Variants in CELF2 observed in about 807,000 individuals in gnomAD.
CELF2 encodes CUG triplet repeat RNA-binding protein 2.
CELF2 carries 8 observed loss-of-function variants against 62.6 expected under a neutral mutation model. That is an observed-to-expected ratio of 0.13 (90% CI 0.07 to 0.23). CELF2 has a LOEUF of 0.23. Ranked by LOEUF, CELF2 falls within the 10% of genes least tolerant of loss-of-function variation. The probability of loss-of-function intolerance (pLI) is 1.00; values close to 1 mark genes in which losing one functional copy is unlikely to be tolerated. For missense variants in CELF2, 333 were observed against 671.0 expected (o/e 0.50, Z 5.56); for synonymous variants, 258 against 250.0 (o/e 1.03, Z -0.30).
At chr10:11,048,712 T>C (rs934713422) in intron 1 of CELF2, among the ~76,000 whole-genome samples, 1 of 152,246 alleles carries the variant, frequency 6.6e-6, no homozygotes, top group African/African-American at 2.4e-5. Flanking sequence ...TCCAAACTTA[T>C]AAACTGGATA....
rs79341133 is a variant in CELF2, at chr10:10,808,542, G to T, written c.53+9725G>T. Among the ~76,000 whole-genome samples the T allele has an allele frequency of 5.4e-3, 825 of 152,222 alleles. 8 individuals are homozygous for T. The highest frequency in any genetic ancestry group is 0.019 in the African/African-American group (786 of 41,530). On this transcript the variant is annotated intron_variant, in intron 1 of 13. Transcript: ENST00000636488. ...GCAAAGCTGTCAAATATGTCAAAAG[G>T]TTCGATTACTTGACAAAATAGGATC...
At chr10:10,467,674 T>G in the CELF2 span, among the ~76,000 whole-genome samples, 1 of 152,070 alleles carries the variant, frequency 6.6e-6, no homozygotes, top group African/African-American at 2.4e-5. Flanking sequence ...ATTGACATGT[T>G]AACTCTATTG....
the CELF2 span, among the ~76,000 whole-genome samples, chr10:10,593,260 GT>G: frequency 6.6e-6 from 1 of 152,326 alleles, no homozygotes; most frequent in Admixed American, 6.5e-5. Context: ...GATCCTATGA[GT>G]GATTTGGGGT....
chr10:10,595,098 G>T, the CELF2 span, among the ~76,000 whole-genome samples: 1 of 152,166 alleles, frequency 6.6e-6, no homozygotes, highest in South Asian at 2.1e-4. Context: ...TAGTGTACAG[G>T]GCAAAGGATC....
intron 1 of CELF2, among the ~76,000 whole-genome samples, chr10:11,115,486 A>G (rs940460191): frequency 6.6e-6 from 1 of 152,186 alleles, no homozygotes; most frequent in East Asian, 1.9e-4. Context: ...ATAGGGATCC[A>G]TTATCCATAT....
the CELF2 span, among the ~76,000 whole-genome samples, chr10:10,736,463 T>C: frequency 6.6e-6 from 1 of 150,700 alleles, no homozygotes; most frequent in Admixed American, 6.7e-5. Context: ...ATCACATATG[T>C]CAAATAGGCA....
rs527624188 is a variant in CELF2, at chr10:10,824,821, C to G, written c.53+26004C>G. ...CAATGAATTGTTAAGTTGAAGCTTT[C>G]AATTCTCATGGAACGTTAACTCTCC... On this transcript the variant is annotated intron_variant, in intron 1 of 13. Transcript: ENST00000636488. Among the ~76,000 whole-genome samples the G allele has an allele frequency of 2.0e-5, 3 of 152,286 alleles. No homozygotes were observed. In the South Asian group the frequency reaches 6.2e-4, roughly 32 times the overall value.
At chr10:10,523,283 T>C in the CELF2 span, among the ~76,000 whole-genome samples, 1 of 152,268 alleles carries the variant, frequency 6.6e-6, no homozygotes, top group African/African-American at 2.4e-5. Flanking sequence ...AGCAACACTC[T>C]AGGCTTGACT....
Position 11,053,707 on chromosome 10 carries a change from C to T in CELF2, c.74+35544C>T, listed in dbSNP as rs573347883. 9.1e-4 allele frequency among the ~76,000 whole-genome samples: 138 copies of T among 151,028 alleles called. 1 individual carries two copies. Among genetic ancestry groups the T allele is most frequent in the African/African-American group, 3.1e-3 (128 of 41,030 alleles). On this transcript the variant is annotated intron_variant, in intron 1 of 12. Transcript: ENST00000633077. ...TCCACTCACTGCAAGCTCCGCCTTC[C>T]GGGTTCACACCATTCTCCTGCCTCA...
intron 1 of CELF2, among the ~76,000 whole-genome samples, chr10:11,048,603 C>T (rs1015415415): frequency 6.6e-6 from 1 of 152,178 alleles, no homozygotes; most frequent in African/African-American, 2.4e-5. Context: ...TTGACAACAC[C>T]ATTACGCTGG....
intron 1 of CELF2, among the ~76,000 whole-genome samples, chr10:11,066,626 A>G (rs1245105284): frequency 6.6e-6 from 1 of 152,228 alleles, no homozygotes; most frequent in Non-Finnish European, 1.5e-5. Flanking sequence ...AACCGTTCAC[A>G]TATGTAGTTG....
chr10:10,889,436 T>A (rs2224694), intron 1 of CELF2, among the ~76,000 whole-genome samples: 49,830 of 152,024 alleles, frequency 0.33, 9,337 homozygotes, highest in East Asian at 0.67. Context: ...TTAAAAGAAA[T>A]TTTTTTGCTG....
intron 1 of CELF2, among the ~76,000 whole-genome samples, chr10:10,856,881 A>T (rs1424317075): frequency 6.6e-6 from 1 of 152,174 alleles, no homozygotes; most frequent in African/African-American, 2.4e-5. Flanking sequence ...AGAAATTAGT[A>T]CCAGACTTGC....
At chr10:11,076,710 A>G (rs935617139) in intron 1 of CELF2, among the ~76,000 whole-genome samples, 1 of 152,146 alleles carries the variant, frequency 6.6e-6, no homozygotes, top group African/African-American at 2.4e-5. Flanking sequence ...ATTAGGGAAA[A>G]GTTTATAGTC....
At chr10:10,783,810 C>T in the CELF2 span, among the ~76,000 whole-genome samples, 10 of 152,186 alleles carry the variant, frequency 6.6e-5, no homozygotes, top group African/African-American at 2.2e-4. Flanking sequence ...ATGGTGAAAC[C>T]TTGTCTCTAC....
In CELF2 at chr10:11,332,912, T is replaced by C. The variant is rs533393076; in HGVS notation, c.*3859T>C. ...GCAATCAGCTTAATAACAACACTTATTGCACCTGTCTCTCTCTGAGAACAC... is the reference window on the plus strand; with the variant it reads ...GCAATCAGCTTAATAACAACACTTACTGCACCTGTCTCTCTCTGAGAACAC... On this transcript the variant is annotated 3_prime_UTR_variant, in exon 13 of 13. Transcript: ENST00000633077. The C allele has an allele frequency of 1.8e-4, 27 of 152,586 alleles. No individual in the cohort carries two copies. The highest frequency in any genetic ancestry group is 3.1e-4 in the Non-Finnish European group (21 of 68,032). 9.5% of individuals were successfully genotyped at this position (152,586 alleles called of 1,614,324 possible).
chr10:10,902,985 A>G (rs2063054774), intron 1 of CELF2, among the ~76,000 whole-genome samples: 1 of 151,686 alleles, frequency 6.6e-6, no homozygotes, highest in Non-Finnish European at 1.5e-5. Flanking sequence ...AGGGAGGAAG[A>G]AAGGAGAGGA....
At chr10:10,880,383 G>A (rs9423837) in intron 1 of CELF2, among the ~76,000 whole-genome samples, 78,421 of 151,928 alleles carry the variant, frequency 0.52, 21,222 homozygotes, top group Middle Eastern at 0.61. Context: ...TTGGAGGCCT[G>A]AATATTCTGA....
chr10:10,678,135 T>C, the CELF2 span, among the ~76,000 whole-genome samples: 1 of 152,180 alleles, frequency 6.6e-6, no homozygotes, highest in Non-Finnish European at 1.5e-5. Flanking sequence ...ATAATCTTTT[T>C]CTCTTTATTG....
Sources: gnomAD v4.1 joint callset for allele counts (sites outside exome capture counted in the v4.1 genomes callset) on GRCh38, gnomAD v4.1.1 for gene constraint, MANE v1.5 for transcripts, NCBI Gene and HGNC (gene_info 2026-07-23, HGNC 2026-07-21) for gene names.